The following SGCD variants were observed in gnomAD, a reference collection of about 807,000 sequenced individuals.
The protein encoded by SGCD is delta-sarcoglycan.
SGCD carries 18 observed loss-of-function variants against 36.6 expected under a neutral mutation model. The ratio of observed to expected loss-of-function variants is 0.49; its 90% CI spans 0.34 to 0.73. The LOEUF is 0.73. Among genes scored for constraint, SGCD ranks in the 30% least tolerant of loss-of-function variants. The probability of loss-of-function intolerance (pLI) is 0.01; values close to 1 mark genes in which losing one functional copy is unlikely to be tolerated. For missense variants in SGCD, 387 were observed against 346.7 expected, an observed-to-expected ratio of 1.12 and a Z score of -0.92; for synonymous variants, 133 against 130.6, an observed-to-expected ratio of 1.02 and a Z score of -0.12.
chr5:156,179,133 G>A (rs372711262), intron 3 of SGCD, among the ~76,000 whole-genome samples: 2 of 152,074 alleles, frequency 1.3e-5, no homozygotes, highest in African/African-American at 4.8e-5. Context: ...ACACATCTAA[G>A]CATGTGTTTT....
At chr5:156,581,611 C>T (rs945616782) in intron 4 of SGCD, among the ~76,000 whole-genome samples, 15 of 152,204 alleles carry the variant, frequency 9.9e-5, no homozygotes, top group Non-Finnish European at 2.1e-4. Context: ...TGTTTACCTA[C>T]TCAAGCCTCA....
upstream of SGCD, among the ~76,000 whole-genome samples, chr5:155,866,959 A>G (rs1755536184): frequency 6.6e-6 from 1 of 152,188 alleles, no homozygotes; most frequent in African/African-American, 2.4e-5. Flanking sequence ...AAATAAGCTC[A>G]ACTGTGAGGA....
rs1295628238 is a variant in SGCD, at chr5:156,463,084, C to T, written c.193-45517C>T. 3.3e-5 allele frequency among the ~76,000 whole-genome samples: 5 copies of T among 152,168 alleles called. No individual in the cohort carries two copies. In the East Asian group the frequency reaches 9.6e-4, roughly 29 times the overall value. On this transcript the variant is annotated intron_variant, in intron 3 of 8. Transcript: ENST00000337851. ...TTGTAATGACACTTTGAAAGAGTGG[C>T]CCACTCTGGAAAACATCAGAGACAG...
At chr5:156,734,630 C>T (rs1045295957) in intron 7 of SGCD, among the ~76,000 whole-genome samples, 1 of 152,088 alleles carries the variant, frequency 6.6e-6, no homozygotes, top group African/African-American at 2.4e-5. Flanking sequence ...CTCTGAAATT[C>T]TTTCCTCTGC....
intron 1 of SGCD, among the ~76,000 whole-genome samples, chr5:155,876,021 T>C (rs1755760463): frequency 6.6e-6 from 1 of 151,952 alleles, no homozygotes; most frequent in Admixed American, 6.6e-5. Flanking sequence ...GTTTTTTTTT[T>C]TCTTGGTCCT....
intron 1 of SGCD, among the ~76,000 whole-genome samples, chr5:156,328,965 A>G (rs1767939629): frequency 1.3e-5 from 2 of 151,954 alleles, no homozygotes; most frequent in African/African-American, 2.4e-5. Context: ...CGGGTGTCAT[A>G]CTCCTCTATA....
At chr5:156,669,063 A>G (rs58622977) in intron 7 of SGCD, among the ~76,000 whole-genome samples, 4,031 of 152,266 alleles carry the variant, frequency 0.026, 179 homozygotes, top group African/African-American at 0.092. Flanking sequence ...GGTCCTGTCA[A>G]GGAATGCTAA....
At chr5:156,166,194 C>T (rs2127620151) in intron 3 of SGCD, among the ~76,000 whole-genome samples, 1 of 152,210 alleles carries the variant, frequency 6.6e-6, no homozygotes, top group Non-Finnish European at 1.5e-5. Flanking sequence ...TGAAGTACAT[C>T]ACTTTGATAT....
At chr5:155,838,480 T>C in the SGCD span, among the ~76,000 whole-genome samples, 1 of 152,158 alleles carries the variant, frequency 6.6e-6, no homozygotes, top group Non-Finnish European at 1.5e-5. Flanking sequence ...TGCCCCCGTG[T>C]CATTTAATAT....
chr5:156,211,232 G>T (rs1203256351), intron 3 of SGCD, among the ~76,000 whole-genome samples: 1 of 151,604 alleles, frequency 6.6e-6, no homozygotes, highest in African/African-American at 2.4e-5. Flanking sequence ...GAAGGAGAGA[G>T]AAAGTCTTTC....
the SGCD span, among the ~76,000 whole-genome samples, chr5:155,864,176 T>A: frequency 0.067 from 10,263 of 152,190 alleles, 968 homozygotes; most frequent in African/African-American, 0.22. Context: ...AAAGGTCTGG[T>A]GTGTCAGGAG....
chr5:156,579,782 C>T (rs1760165733), intron 4 of SGCD, among the ~76,000 whole-genome samples: 1 of 152,136 alleles, frequency 6.6e-6, no homozygotes, highest in African/African-American at 2.4e-5. Context: ...CTTCCTCCAT[C>T]CCCTTATTTT....
intron 1 of SGCD, among the ~76,000 whole-genome samples, chr5:156,106,175 C>G (rs998967404): frequency 6.9e-6 from 1 of 144,788 alleles, no homozygotes; most frequent in African/African-American, 2.5e-5. Flanking sequence ...GGTAATTATG[C>G]GCAGTGATCC....
chr5:155,757,756 T>G, the SGCD span, among the ~76,000 whole-genome samples: 1 of 152,294 alleles, frequency 6.6e-6, no homozygotes, highest in South Asian at 2.1e-4. Context: ...GGATTCTTAA[T>G]AGTCCTTGAT....
chr5:155,830,411 C>T, the SGCD span, among the ~76,000 whole-genome samples: 1 of 152,264 alleles, frequency 6.6e-6, no homozygotes, highest in South Asian at 2.1e-4. Flanking sequence ...CTCATGTAAC[C>T]TTAATTACCT....
intron 7 of SGCD, among the ~76,000 whole-genome samples, chr5:156,650,543 A>G (rs1763420018): frequency 6.6e-6 from 1 of 152,010 alleles, no homozygotes; most frequent in Non-Finnish European, 1.5e-5. Flanking sequence ...CTTCATATTC[A>G]TGTGTATCCA....
intron 3 of SGCD, among the ~76,000 whole-genome samples, chr5:156,152,164 C>T (rs774957060): frequency 5.9e-5 from 9 of 151,484 alleles, no homozygotes; most frequent in Non-Finnish European, 1.3e-4. Context: ...CAAATACAAA[C>T]TTGAGTTCAT....
At chr5:156,672,545 C>A (rs1302542697) in intron 7 of SGCD, among the ~76,000 whole-genome samples, 1 of 152,168 alleles carries the variant, frequency 6.6e-6, no homozygotes, top group Admixed American at 6.5e-5. Context: ...TTCACCAAAC[C>A]CACAGGCTCT....
At chr5:155,948,119 T>C (rs1455555701) in intron 1 of SGCD, among the ~76,000 whole-genome samples, 1 of 151,920 alleles carries the variant, frequency 6.6e-6, no homozygotes, top group East Asian at 1.9e-4. Context: ...CTACTAAAAA[T>C]ACAAAAAAAT....
Sources: allele counts gnomAD v4.1 joint callset (sites outside exome capture counted in the v4.1 genomes callset), GRCh38; gene constraint gnomAD v4.1.1; transcripts MANE v1.5; gene names NCBI Gene and HGNC (gene_info 2026-07-23, HGNC 2026-07-21).